Variants in TRIO observed in about 807,000 individuals in gnomAD.
The protein encoded by TRIO is triple functional domain protein.
TRIO carries 58 observed loss-of-function variants against 351.9 expected under a neutral mutation model. That is an observed-to-expected ratio of 0.16 (90% CI 0.13 to 0.21). TRIO has a LOEUF of 0.21. Ranked by LOEUF, TRIO falls within the 10% of genes least tolerant of loss-of-function variation. The probability of loss-of-function intolerance (pLI) is 1.00; values close to 1 mark genes in which losing one functional copy is unlikely to be tolerated. For missense variants in TRIO, 3,201 were observed against 4,027.8 expected, an observed-to-expected ratio of 0.79 and a Z score of 5.56; for synonymous variants, 1,758 against 1,595.7, an observed-to-expected ratio of 1.10 and a Z score of -2.42.
intron 34 of TRIO, among the ~76,000 whole-genome samples, chr5:14,434,098 A>T (rs1463436376): frequency 6.6e-6 from 1 of 152,216 alleles, no homozygotes; most frequent in East Asian, 1.9e-4. Flanking sequence ...TGAAGTCCAA[A>T]TTTTAAATAT....
chr5:14,394,394 C>A (rs1037337106), intron 28 of TRIO, among the ~76,000 whole-genome samples: 1 of 152,062 alleles, frequency 6.6e-6, no homozygotes, highest in Non-Finnish European at 1.5e-5. Context: ...ATTTTAGTAC[C>A]CTTAGTTCCC....
chr5:14,400,853 C>A, intron 30 of TRIO, 110 bp from the exon 31 acceptor site: 1 of 911,858 alleles, frequency 1.1e-6, no homozygotes. Context: ...TAGTGACGTT[C>A]TTATAACCTA....
intron 34 of TRIO, among the ~76,000 whole-genome samples, chr5:14,438,241 T>G (rs1751753549): frequency 1.3e-5 from 2 of 152,242 alleles, no homozygotes; most frequent in Non-Finnish European, 2.9e-5. Context: ...CCATCTGCAC[T>G]AAACCTGTCT....
At chr5:14,467,690 G>A (rs967816879) in intron 37 of TRIO, among the ~76,000 whole-genome samples, 3 of 152,022 alleles carry the variant, frequency 2.0e-5, no homozygotes, top group Admixed American at 6.6e-5. Context: ...AGCATGCACC[G>A]GTAGTCCCAG....
intron 48 of TRIO, chr5:14,488,538 T>C: frequency 1.9e-6 from 1 of 531,046 alleles, no homozygotes; most frequent in East Asian, 3.0e-5. Context: ...GCAGAATATC[T>C]TCTTGGAACT....
chr5:14,324,573 T>G (rs541248396), intron 9 of TRIO, among the ~76,000 whole-genome samples: 1 of 152,358 alleles, frequency 6.6e-6, no homozygotes, highest in South Asian at 2.1e-4. Context: ...AACTCTAGTT[T>G]TAGAAATATT....
In TRIO at chr5:14,455,973, T is replaced by G. The variant is rs531806457; in HGVS notation, c.5204-5046T>G. Among the ~76,000 whole-genome samples, 3 of 152,350 alleles carry G rather than the reference T, an allele frequency of 2.0e-5. No individual in the cohort carries two copies. The East Asian group carries it at 5.8e-4, about 29-fold the overall frequency. On this transcript the variant is annotated intron_variant, in intron 34 of 56. Coordinates refer to ENST00000344204, the MANE Select transcript of TRIO (RefSeq NM_007118.4). Reference sequence around the variant, plus strand: ...GCGTGGGAGCCCACCGCAGTGGGGCTTGGGCATGGTGGGCTGCAGGTCCCA... The same window carrying G: ...GCGTGGGAGCCCACCGCAGTGGGGCGTGGGCATGGTGGGCTGCAGGTCCCA...
intron 1 of TRIO, among the ~76,000 whole-genome samples, chr5:14,175,464 T>TA (rs1410029698): frequency 6.6e-6 from 1 of 152,230 alleles, no homozygotes; most frequent in African/African-American, 2.4e-5. Flanking sequence ...TTTTGCTGCG[T>TA]AAATTATACA....
intron 33 of TRIO, among the ~76,000 whole-genome samples, chr5:14,410,225 C>G (rs1466887339): frequency 6.6e-6 from 1 of 152,088 alleles, no homozygotes; most frequent in Non-Finnish European, 1.5e-5. Context: ...GAGGACGTAC[C>G]CATGCGGCCT....
intron 31 of TRIO, among the ~76,000 whole-genome samples, chr5:14,403,214 C>T (rs62652533): frequency 0.23 from 9,746 of 42,700 alleles, 1,154 homozygotes; most frequent in African/African-American, 0.42. Context: ...GGTGAGGGTG[C>T]AGGTTGTGGT....
In TRIO at chr5:14,467,062, A is replaced by G. The variant is rs542458890; in HGVS notation, c.5763+1422A>G. 2.0e-4 allele frequency among the ~76,000 whole-genome samples: 30 copies of G among 152,364 alleles called. No individual in the cohort carries two copies. In the South Asian group the frequency reaches 6.2e-3, roughly 32 times the overall value. Reference sequence around the variant, plus strand: ...ATAAGGAAATTGAGGCACACAGAACATTTAAAAACTTGACTAGCCACTAAG... The same window carrying G: ...ATAAGGAAATTGAGGCACACAGAACGTTTAAAAACTTGACTAGCCACTAAG... On this transcript the variant is annotated intron_variant, in intron 37 of 56. Transcript: ENST00000344204.
intron 34 of TRIO, 35 bp downstream of exon 34, chr5:14,420,056 A>G: frequency 2.5e-6 from 4 of 1,599,422 alleles, no homozygotes; most frequent in Non-Finnish European, 3.4e-6. Context: ...GCAGACCCCT[A>G]CTGGAAGTGG....
In TRIO at chr5:14,434,559, A is replaced by C. The variant is rs146498776; in HGVS notation, c.5203+14538A>C. 9.8e-3 allele frequency among the ~76,000 whole-genome samples: 1,500 copies of C among 152,302 alleles called. 25 individuals carry two copies. The highest frequency in any genetic ancestry group is 0.035 in the African/African-American group (1,436 of 41,558). On this transcript the variant is annotated intron_variant, in intron 34 of 56. Coordinates refer to ENST00000344204, the MANE Select transcript of TRIO (RefSeq NM_007118.4). ...AAAAGTGACAAAAATAGTTCAGAGA[A>C]TTTCTGTACACCCTGTACCCAGCTC...
At chr5:14,270,051 T>G (rs758396751) in intron 1 of TRIO, among the ~76,000 whole-genome samples, 1 of 152,258 alleles carries the variant, frequency 6.6e-6, no homozygotes, top group Non-Finnish European at 1.5e-5. Flanking sequence ...TTCACCCTGG[T>G]GAGCTGGGCT....
rs950162614 is a variant in TRIO at position 14,481,690 on chromosome 5, T to G, written c.6465+72T>G. On this transcript the variant is annotated intron_variant, in intron 45 of 56. Transcript: ENST00000344204. The stretch of plus-strand genomic sequence containing the variant: ...TTTCTTTTGTCTTGGATTATTTCTC[T>G]CCACATAGAGAAAGCTGATCCTTTT... 6.0e-6 allele frequency: 9 copies of G among 1,506,154 alleles called. No individual in the cohort carries two copies. The African/African-American group carries it at 1.2e-4, about 21-fold the overall frequency. 93.3% of individuals were successfully genotyped at this position (1,506,154 alleles called of 1,614,324 possible).
chr5:14,190,466 G>A (rs1015640083), intron 1 of TRIO, among the ~76,000 whole-genome samples: 1 of 152,202 alleles, frequency 6.6e-6, no homozygotes, highest in African/African-American at 2.4e-5. Flanking sequence ...ATGTGTGTGC[G>A]AGATAAGTCT....
At chr5:14,416,307 T>A (rs79776494) in intron 33 of TRIO, among the ~76,000 whole-genome samples, 7 of 151,540 alleles carry the variant, frequency 4.6e-5, no homozygotes, top group South Asian at 2.1e-4. Flanking sequence ...TTTTTTTTTT[T>A]AATTAGCAAA....
intron 1 of TRIO, among the ~76,000 whole-genome samples, chr5:14,244,499 A>G (rs546260721): frequency 6.6e-5 from 10 of 152,250 alleles, no homozygotes; most frequent in Non-Finnish European, 1.3e-4. Context: ...GTTTTTCCAA[A>G]TTGGTTATTT....
chr5:14,385,637 G>T (rs895301103), intron 21 of TRIO, among the ~76,000 whole-genome samples: 1 of 152,220 alleles, frequency 6.6e-6, no homozygotes, highest in African/African-American at 2.4e-5. Flanking sequence ...TGGAACTGGT[G>T]ACAGTGGAAG....
Sources: allele counts gnomAD v4.1 joint callset (sites outside exome capture counted in the v4.1 genomes callset), GRCh38; gene constraint gnomAD v4.1.1; transcripts MANE v1.5; gene names NCBI Gene and HGNC (gene_info 2026-07-23, HGNC 2026-07-21).